Variants in PIK3AP1 observed in about 807,000 individuals in gnomAD.
PIK3AP1 encodes the protein phosphoinositide 3-kinase adapter protein 1.
PIK3AP1 carries 21 observed loss-of-function variants against 88.1 expected under a neutral mutation model. That is an observed-to-expected ratio of 0.24 (90% confidence interval 0.17 to 0.34). The LOEUF (loss-of-function observed/expected upper bound fraction) is 0.34, where lower values mean the gene tolerates loss of function less well. Ranked by LOEUF, PIK3AP1 falls within the 10% of genes least tolerant of loss-of-function variation. The pLI is 1.00. For missense variants in PIK3AP1, 828 were observed against 1,035.7 expected, an observed-to-expected ratio of 0.80 and a Z score of 2.75; for synonymous variants, 398 against 400.0, an observed-to-expected ratio of 1.00 and a Z score of 0.06.
intron 1 of PIK3AP1, among the ~76,000 whole-genome samples, chr10:96,711,621 CA>C (rs1844437352): frequency 6.6e-6 from 1 of 151,978 alleles, no homozygotes; most frequent in Admixed American, 6.6e-5. Flanking sequence ...CTGAAAAGAT[CA>C]TAGGATGAAT....
intron 2 of PIK3AP1, among the ~76,000 whole-genome samples, chr10:96,665,529 G>A (rs547597792): frequency 1.3e-5 from 2 of 152,196 alleles, no homozygotes; most frequent in Non-Finnish European, 2.9e-5. Flanking sequence ...ATGAGTCACT[G>A]TCTCTCAAAC....
At chr10:96,597,330 C>G (rs1287415938) in intron 16 of PIK3AP1, among the ~76,000 whole-genome samples, 3 of 113,462 alleles carry the variant, frequency 2.6e-5, no homozygotes, top group South Asian at 3.7e-4. Context: ...TTCCTTCCTT[C>G]TTTCCTTCCC....
In PIK3AP1 at chr10:96,595,468, G is replaced by A. The variant is rs577943758; in HGVS notation, c.*109C>T. 1.4e-5 allele frequency: 17 copies of A among 1,202,214 alleles called. No homozygotes were observed. The highest frequency in any genetic ancestry group is 1.9e-5 in the Non-Finnish European group (16 of 828,538). The allele number at this position is 1,202,214 out of a possible 1,614,324, so 74.5% of individuals were successfully genotyped here. On this transcript the variant is annotated 3_prime_UTR_variant, in exon 17 of 17. Coordinates refer to ENST00000339364, the MANE Select transcript of PIK3AP1 (RefSeq NM_152309.3). ...TGCAGCATTATCAGCAATGAGAATG[G>A]ATCTTAAGGTCAACAGTCATGCTAT...
At chr10:96,712,409 C>T (rs1293070374) in intron 1 of PIK3AP1, among the ~76,000 whole-genome samples, 1 of 152,110 alleles carries the variant, frequency 6.6e-6, no homozygotes, top group Non-Finnish European at 1.5e-5. Flanking sequence ...CCAAAGCTTA[C>T]ACAGATTAAG....
At chr10:96,697,546 G>A (rs898138686) in intron 2 of PIK3AP1, among the ~76,000 whole-genome samples, 6 of 152,120 alleles carry the variant, frequency 3.9e-5, no homozygotes, top group Non-Finnish European at 7.4e-5. Flanking sequence ...AACATAGTGA[G>A]ATCCTATCTC....
At chr10:96,712,044 G>A (rs1844446436) in intron 1 of PIK3AP1, among the ~76,000 whole-genome samples, 1 of 151,828 alleles carries the variant, frequency 6.6e-6, no homozygotes, top group South Asian at 2.1e-4. Flanking sequence ...GTGAGCCACC[G>A]CACCCGGCCA....
chr10:96,714,166 C>T (rs368840917), intron 1 of PIK3AP1, among the ~76,000 whole-genome samples: 3 of 151,280 alleles, frequency 2.0e-5, no homozygotes, highest in South Asian at 2.1e-4. Context: ...AACAGCGAAA[C>T]TCCGTCTCAA....
intron 2 of PIK3AP1, among the ~76,000 whole-genome samples, chr10:96,667,940 A>G (rs2134250417): frequency 6.6e-6 from 1 of 152,366 alleles, no homozygotes; most frequent in Admixed American, 6.5e-5. Context: ...ACCAATGTGT[A>G]CTTTTTATTA....
At chr10:96,638,948 A>AT (rs5787204) in intron 8 of PIK3AP1, among the ~76,000 whole-genome samples, 144,227 of 152,276 alleles carry the variant, frequency 0.95, 68,789 homozygotes, top group East Asian at 1. Flanking sequence ...TTTGAAAAAT[A>AT]TTTTTGAATG....
Position 96,594,913 on chromosome 10 carries a change from G to T in PIK3AP1, c.*664C>A, listed in dbSNP as rs1406100409. 6.6e-6 allele frequency: 1 copy of T among 152,388 alleles called. No homozygotes were observed. The highest frequency in any genetic ancestry group is 1.5e-5 in the Non-Finnish European group (1 of 68,036). The allele number at this position is 152,388 out of a possible 1,614,324, so 9.4% of individuals were successfully genotyped here. A position where few individuals can be genotyped will look rare whatever the true frequency, so the allele number is the denominator to read the frequency against. ...GCCTGGCTATTTGGAGATGGAAAAT[G>T]TGGTGACCTAGAATGAGCAGGCCCA... On this transcript the variant is annotated 3_prime_UTR_variant, in exon 17 of 17. Coordinates refer to ENST00000339364, the MANE Select transcript of PIK3AP1 (RefSeq NM_152309.3). This position sits in a 1 kb window ranked among gnomAD's most constrained non-coding sequence, Gnocchi z 4.6.
At chr10:96,638,471 GACACACACACACACAC>G (rs60796576) in intron 8 of PIK3AP1, among the ~76,000 whole-genome samples, 1 of 148,130 alleles carries the variant, frequency 6.8e-6, no homozygotes, top group Non-Finnish European at 1.5e-5. Flanking sequence ...CACACACACA[GACACACACACACACAC>G]ACACACACAC....
At chr10:96,674,256 C>T (rs1167637915) in intron 2 of PIK3AP1, among the ~76,000 whole-genome samples, 4 of 152,162 alleles carry the variant, frequency 2.6e-5, no homozygotes, top group Non-Finnish European at 5.9e-5. Context: ...GCAGCACAAA[C>T]GCAATTACTA....
chr10:96,653,919 C>G (rs1428043277), intron 3 of PIK3AP1, among the ~76,000 whole-genome samples: 1 of 152,254 alleles, frequency 6.6e-6, no homozygotes, highest in African/African-American at 2.4e-5. Flanking sequence ...AAGCCCTGCT[C>G]TGGACCAGTC....
rs546393595 is a variant in PIK3AP1, at chr10:96,647,849, G to A, written c.1185+810C>T. On this transcript the variant is annotated intron_variant, in intron 7 of 16. Coordinates refer to ENST00000339364, the MANE Select transcript of PIK3AP1 (RefSeq NM_152309.3). ...CCTCTGGGAGTCTGTGAAGAAGGAG[G>A]AAAACCACGAGGGACTGGGATCAGG... Among the ~76,000 whole-genome samples, 152 of 152,308 alleles carry A rather than the reference G, an allele frequency of 1.0e-3. 1 individual carries two copies. Among genetic ancestry groups the A allele is most frequent in the Middle Eastern group, 3.4e-3 (1 of 294 alleles).
intron 14 of PIK3AP1, among the ~76,000 whole-genome samples, chr10:96,609,139 A>G (rs1215712782): frequency 6.6e-6 from 1 of 152,198 alleles, no homozygotes; most frequent in Non-Finnish European, 1.5e-5. Flanking sequence ...ATTTGAGTTC[A>G]TTATTTTCTT....
chr10:96,701,858 T>A (rs1030056183), intron 2 of PIK3AP1, among the ~76,000 whole-genome samples: 1 of 152,186 alleles, frequency 6.6e-6, no homozygotes, highest in Non-Finnish European at 1.5e-5. Context: ...GGGGAAAAAT[T>A]AGAACTTACA....
chr10:96,596,375 T>G (rs1341649739), intron 16 of PIK3AP1, among the ~76,000 whole-genome samples: 2 of 152,250 alleles, frequency 1.3e-5, no homozygotes, highest in African/African-American at 4.8e-5. Context: ...TGCTTCCCCA[T>G]GTAGCCCCCT....
intron 8 of PIK3AP1, among the ~76,000 whole-genome samples, chr10:96,629,930 AAAG>A (rs61662185): frequency 3.4e-3 from 46 of 13,724 alleles, no homozygotes; most frequent in South Asian, 0.013. Context: ...AAAAAAAAAA[AAAG>A]AAGAAGAAGA....
At chr10:96,703,098 G>A (rs555528349) in intron 2 of PIK3AP1, among the ~76,000 whole-genome samples, 1 of 152,238 alleles carries the variant, frequency 6.6e-6, no homozygotes, top group African/African-American at 2.4e-5. Flanking sequence ...GGCTGGTCTT[G>A]AAATCCTGGC....
Sources: gnomAD v4.1 joint callset for allele counts (sites outside exome capture counted in the v4.1 genomes callset) on GRCh38, gnomAD v4.1.1 for gene constraint, Gnocchi (gnomAD v3.1) non-coding constraint, MANE v1.5 for transcripts, NCBI Gene and HGNC (gene_info 2026-07-23, HGNC 2026-07-21) for gene names.